SPIRE2: variants seen among roughly 807,000 people sequenced by gnomAD.
The protein encoded by SPIRE2 is spire type actin nucleation factor 2, also known as protein spire homolog 2.
A neutral mutation model predicts 80.7 loss-of-function variants in SPIRE2; 76 were observed. The ratio of observed to expected loss-of-function variants is 0.94; its 90% CI spans 0.78 to 1.14. SPIRE2 has a LOEUF of 1.14. Among genes scored for constraint, SPIRE2 ranks in the 50% most tolerant of loss-of-function variants. The probability of loss-of-function intolerance (pLI) is 0.00; values close to 1 mark genes in which losing one functional copy is unlikely to be tolerated. For missense variants in SPIRE2, 1,196 were observed against 1,015.3 expected (o/e 1.18, Z -2.42); for synonymous variants, 535 against 432.6 (o/e 1.24, Z -2.94).
rs1044375386 is a variant in SPIRE2, at chr16:89,830,759, C to T, written c.244+1965C>T. Among the ~76,000 whole-genome samples, 8 of 150,954 alleles carry T rather than the reference C, an allele frequency of 5.3e-5. No homozygotes were observed. The East Asian group carries it at 7.7e-4, about 15-fold the overall frequency. ...GTAAAACCACTTTGAAAAAAACCAA[C>T]AACAAACTAGACCATACTTAGGAGG... On this transcript the variant is annotated intron_variant, in intron 1 of 14. Coordinates refer to ENST00000378247, the MANE Select transcript of SPIRE2 (RefSeq NM_032451.2).
chr16:89,847,508 A>G (rs930255914), intron 2 of SPIRE2, among the ~76,000 whole-genome samples: 2 of 152,188 alleles, frequency 1.3e-5, no homozygotes, highest in Non-Finnish European at 2.9e-5. Context: ...TAAACGTTTT[A>G]CAGAGAGCTT....
intron 1 of SPIRE2, among the ~76,000 whole-genome samples, chr16:89,831,173 T>C (rs2041377364): frequency 6.6e-6 from 1 of 150,484 alleles, no homozygotes; most frequent in African/African-American, 2.4e-5. Flanking sequence ...CCTTCCAAAG[T>C]GCTGGGATTA....
In SPIRE2 at chr16:89,850,562, C is replaced by CG; in HGVS notation, c.551dup (p.Ala185ArgfsTer145). 2 of 1,514,068 alleles carry CG rather than the reference C, an allele frequency of 1.3e-6. No individual in the cohort carries two copies. Among genetic ancestry groups the CG allele is most frequent in the Admixed American group, 2.1e-5 (1 of 47,508 alleles). 93.8% of individuals were successfully genotyped at this position (1,514,068 alleles called of 1,614,324 possible). A position where few individuals can be genotyped will look rare whatever the true frequency, so the allele number is the denominator to read the frequency against. On this transcript the variant is annotated frameshift_variant, in exon 3 of 15. Coordinates refer to ENST00000378247, the MANE Select transcript of SPIRE2 (RefSeq NM_032451.2). LOFTEE classifies it high-confidence loss of function. ...GTGCGCGGCGCGGCTGACCGACCCC[C>CG]GGGGCGCACAGGCGCATTACCAGGC...
chr16:89,855,916 C>A, intron 6 of SPIRE2, 197 bp from the exon 7 acceptor site: 1 of 1,072,968 alleles, frequency 9.3e-7, no homozygotes, highest in Non-Finnish European at 1.3e-6. Flanking sequence ...ATGCCCACCC[C>A]ACCCCAGGTG....
In SPIRE2 at chr16:89,859,254, C is replaced by G. The variant is rs1269193625; in HGVS notation, c.1362C>G (p.Ala454=). ...TGGCCCAGCTCCGAAGTGAGGTGGC[C>G]TCTGGCCTGCAGTCGGCCACCCACC... ...HDLAQLRSEV[A]SGLQSATHPP... Residue 454 remains alanine, a synonymous_variant, in exon 9 of 15, where the codon GCC becomes GCG. Coordinates refer to ENST00000378247, the MANE Select transcript of SPIRE2 (RefSeq NM_032451.2). 2 of 1,608,586 alleles carry G rather than the reference C, an allele frequency of 1.2e-6. No homozygotes were observed. The highest frequency in any genetic ancestry group is 2.2e-5 in the South Asian group (2 of 90,744).
At chr16:89,844,888 C>G (rs748707148) in intron 1 of SPIRE2, among the ~76,000 whole-genome samples, 2 of 152,228 alleles carry the variant, frequency 1.3e-5, no homozygotes, top group African/African-American at 4.8e-5. Context: ...TGGCCTCCTA[C>G]TCCACCTGCC....
At chr16:89,850,953 C>T (rs577471580) in intron 3 of SPIRE2, among the ~76,000 whole-genome samples, 151 of 152,238 alleles carry the variant, frequency 9.9e-4, no homozygotes, top group African/African-American at 3.5e-3. Context: ...TCTCCTGCCA[C>T]AGGCTCCCAG....
chr16:89,837,710 C>G (rs953354073), intron 1 of SPIRE2, among the ~76,000 whole-genome samples: 1 of 152,168 alleles, frequency 6.6e-6, no homozygotes, highest in Admixed American at 6.5e-5. Context: ...CTCCCGGACT[C>G]GGGTCTCCGC....
At chr16:89,855,941 AG>A in intron 6 of SPIRE2, 171 bp from the exon 7 acceptor site, 2 of 1,247,304 alleles carry the variant, frequency 1.6e-6, no homozygotes, top group South Asian at 3.1e-5. Context: ...CGGAGCCCAG[AG>A]CCCCCTGGGA....
rs760965764 is a variant in SPIRE2 at position 89,855,587 on chromosome 16, G to A, written c.892-13G>A. 1.1e-5 allele frequency: 18 copies of A among 1,611,144 alleles called. No individual in the cohort carries two copies. The highest frequency in any genetic ancestry group is 4.0e-5 in the African/African-American group (3 of 74,884). ...GTCCCTGCAGGGCCTCAGATCAGCC[G>A]TCCTCCCCGCAGGTGGATGGGGACA... On this transcript the variant is annotated splice_polypyrimidine_tract_variant and intron_variant, in intron 5 of 14. Coordinates refer to ENST00000378247, the MANE Select transcript of SPIRE2 (RefSeq NM_032451.2).
chr16:89,869,448 C>G, intron 13 of SPIRE2, 119 bp from the exon 14 acceptor site: 1 of 674,984 alleles, frequency 1.5e-6, no homozygotes, highest in East Asian at 2.7e-5. Context: ...AGAGAATATT[C>G]TCCAGGAAGC....
At chr16:89,850,768 C>G (rs1042348449) in intron 3 of SPIRE2, 108 bp downstream of exon 3, 2 of 787,024 alleles carry the variant, frequency 2.5e-6, no homozygotes, top group Admixed American at 3.5e-5. Flanking sequence ...AAAGTCAGGT[C>G]GTCGGTGCGA....
At chr16:89,867,037 G>A (rs922101041) in intron 12 of SPIRE2, among the ~76,000 whole-genome samples, 2 of 152,066 alleles carry the variant, frequency 1.3e-5, no homozygotes, top group Admixed American at 1.3e-4. Context: ...TTTATGGTGA[G>A]TAGTGTCAGG....
In SPIRE2 at chr16:89,850,585, G is replaced by A. The variant is rs1382475203; in HGVS notation, c.570G>A (p.Gln190=). The change falls in exon 3 of 15, where the codon CAG becomes CAA. Residue 190 remains glutamine, a synonymous_variant. Coordinates refer to ENST00000378247, the MANE Select transcript of SPIRE2 (RefSeq NM_032451.2). ...TDPRGAQAHY[Q]AVCRALFVET... ...CCCGGGGCGCACAGGCGCATTACCA[G>A]GCCGTGTGCCGCGCGCTCTTCGTGG... 1 of 1,518,350 alleles carries A rather than the reference G, an allele frequency of 6.6e-7. No homozygotes were observed. The highest frequency in any genetic ancestry group is 1.2e-5 in the South Asian group (1 of 81,536). The allele number at this position is 1,518,350 out of a possible 1,614,324, so 94.1% of individuals were successfully genotyped here. A position where few individuals can be genotyped will look rare whatever the true frequency, so the allele number is the denominator to read the frequency against.
In SPIRE2 at chr16:89,834,395, T is replaced by G. The variant is rs55995777; in HGVS notation, c.244+5601T>G. ...TAGAAGCCTGGATAAGCATAGCCCG[T>G]GTGAATCTGTGAACCTGCCCGCACT... On this transcript the variant is annotated intron_variant, in intron 1 of 14. Coordinates refer to ENST00000378247, the MANE Select transcript of SPIRE2 (RefSeq NM_032451.2). 3.1e-5 allele frequency among the ~76,000 whole-genome samples: 4 copies of G among 128,060 alleles called. No individual in the cohort carries two copies. The South Asian group carries it at 1.1e-3, about 36-fold the overall frequency. 84.0% of individuals were successfully genotyped at this position (128,060 alleles called of 152,430 possible).
intron 1 of SPIRE2, among the ~76,000 whole-genome samples, chr16:89,843,663 C>T (rs1567671281): frequency 9.1e-6 from 1 of 110,118 alleles, no homozygotes; most frequent in East Asian, 3.2e-4. Context: ...TGCCTTGCTG[C>T]CACGTTTTTT....
chr16:89,866,200 T>C (rs2041787613), intron 12 of SPIRE2, among the ~76,000 whole-genome samples: 1 of 152,084 alleles, frequency 6.6e-6, no homozygotes, highest in Non-Finnish European at 1.5e-5. Flanking sequence ...TTTCTGTTGA[T>C]ATATGCTTGG....
intron 10 of SPIRE2, 139 bp downstream of exon 10, chr16:89,860,934 C>G: frequency 1.8e-6 from 1 of 552,330 alleles, no homozygotes; most frequent in Non-Finnish European, 3.0e-6. Context: ...TGGGGGGGCG[C>G]GGTCTGAACA....
At chr16:89,836,818 GAA>G (rs201171675) in intron 1 of SPIRE2, among the ~76,000 whole-genome samples, 6 of 127,696 alleles carry the variant, frequency 4.7e-5, no homozygotes, top group East Asian at 2.2e-4. Context: ...CGTCTCTACT[GAA>G]AAAAAAAAAA....
Sources: allele counts gnomAD v4.1 joint callset (sites outside exome capture counted in the v4.1 genomes callset), GRCh38; gene constraint gnomAD v4.1.1; transcripts MANE v1.5; gene names NCBI Gene and HGNC (gene_info 2026-07-23, HGNC 2026-07-21).